The following ANKRD11 variants were observed in gnomAD, a reference collection of about 807,000 sequenced individuals.
ANKRD11 encodes the protein ankyrin repeat domain-containing protein 11.
Under a neutral mutation model 195.7 loss-of-function variants are expected in ANKRD11, and 17 were observed. That is an observed-to-expected ratio of 0.09 (90% CI 0.06 to 0.13). ANKRD11 has a LOEUF of 0.13. ANKRD11 is among the 10% of genes least tolerant of loss of function. The pLI is 1.00. For synonymous variants in ANKRD11, 1,953 were observed against 1,528.1 expected, an observed-to-expected ratio of 1.28 and a Z score of -6.49; for missense variants, 3,735 against 3,566.1, an observed-to-expected ratio of 1.05 and a Z score of -1.21.
intron 2 of ANKRD11, chr16:89,321,308 G>A (rs1187387004): frequency 6.6e-6 from 1 of 152,344 alleles, no homozygotes; most frequent in Non-Finnish European, 1.5e-5. Context: ...GGGGAATCCG[G>A]CGCTGCCTCT....
chr16:89,400,754 T>C (rs28588211), intron 2 of ANKRD11, among the ~76,000 whole-genome samples: 12,338 of 27,392 alleles, frequency 0.45, 2,879 homozygotes, highest in Middle Eastern at 0.6. Flanking sequence ...CGCTGGGGGA[T>C]GGTCATCTGC....
At chr16:89,454,683 G>T (rs2965950) in intron 1 of ANKRD11, among the ~76,000 whole-genome samples, 1 of 93,512 alleles carries the variant, frequency 1.1e-5, no homozygotes, top group Admixed American at 1.1e-4. Context: ...TCCCCTGGGT[G>T]CTTCCAGGGT....
At chr16:89,379,232 G>A (rs1054305885) in intron 2 of ANKRD11, among the ~76,000 whole-genome samples, 1 of 152,240 alleles carries the variant, frequency 6.6e-6, no homozygotes, top group Non-Finnish European at 1.5e-5. Flanking sequence ...CTGTATGTGC[G>A]TCACAGGCTC....
intron 1 of ANKRD11, among the ~76,000 whole-genome samples, chr16:89,427,521 G>C (rs1416247925): frequency 2.0e-5 from 3 of 152,234 alleles, no homozygotes; most frequent in Admixed American, 6.5e-5. Flanking sequence ...CTAGGGGCCG[G>C]GGTGGTGGCT....
intron 1 of ANKRD11, among the ~76,000 whole-genome samples, chr16:89,456,416 C>T (rs980252299): frequency 1.3e-5 from 2 of 151,672 alleles, no homozygotes; most frequent in African/African-American, 4.8e-5. Flanking sequence ...AGCGTGGTGG[C>T]ATGTGCCAGT....
At chr16:89,329,732 A>G (rs1251590168) in intron 2 of ANKRD11, among the ~76,000 whole-genome samples, 2 of 152,214 alleles carry the variant, frequency 1.3e-5, no homozygotes, top group Non-Finnish European at 2.9e-5. Flanking sequence ...CATTAAATAT[A>G]AAATGAGACT....
Position 89,283,222 on chromosome 16 carries a change from T to C in ANKRD11, c.3320A>G (p.Lys1107Arg), listed in dbSNP as rs747642726. Residue 1107 changes from lysine to arginine, a missense_variant, in exon 9 of 13, where the codon AAA becomes AGA. Physicochemically the swap from Lys to Arg is conservative, Grantham distance 26. Coordinates refer to ENST00000301030, the MANE Select transcript of ANKRD11 (RefSeq NM_013275.6). The surrounding 1 kb of genome is among the most constrained non-coding windows in gnomAD (Gnocchi z 4.3). ...EDFSEKKDDK[K>R]GKEKSWYIAD... is the part of the protein sequence containing the mutation. The stretch of plus-strand genomic sequence containing the variant: ...GATGTACCAGCTTTTCTCTTTGCCT[T>C]TCTTGTCATCTTTTTTTTCAGAGAA... 33 of 1,614,076 alleles carry C rather than the reference T, an allele frequency of 2.0e-5. No homozygotes were observed. The highest frequency in any genetic ancestry group is 2.6e-5 in the Non-Finnish European group (31 of 1,180,054).
At position 89,305,244 on chromosome 16, in the gene ANKRD11, G is replaced by A; in HGVS notation, c.188C>T (p.Thr63Ile). Residue 63 changes from threonine (T) to isoleucine (I), a missense_variant, in exon 4 of 13, where the codon ACC becomes ATC. Transcript: ENST00000301030. Reference protein sequence around the residue: ...ERASKRKLPFTAGANGEQKDS... With the variant: ...ERASKRKLPFIAGANGEQKDS... The stretch of plus-strand genomic sequence containing the variant: ...CTTCTGCTCCCCATTGGCGCCCGCG[G>A]TGAAGGGCAGCTTCCGCTTGCTGGC... 6.2e-7 allele frequency: 1 copy of A among 1,613,804 alleles called. No homozygotes were observed. The highest frequency in any genetic ancestry group is 8.5e-7 in the Non-Finnish European group (1 of 1,179,892).
At chr16:89,290,893 A>G (rs2035018011) in intron 5 of ANKRD11, 65 bp from the exon 6 acceptor site, 4 of 1,609,870 alleles carry the variant, frequency 2.5e-6, no homozygotes, top group Non-Finnish European at 3.4e-6. Flanking sequence ...CCAATCTTCA[A>G]GAGCCCAGGC....
intron 2 of ANKRD11, among the ~76,000 whole-genome samples, chr16:89,330,772 C>T (rs972650358): frequency 2.0e-5 from 3 of 151,458 alleles, no homozygotes; most frequent in African/African-American, 7.3e-5. Context: ...CAACCTCTAG[C>T]CCACACTCTG....
chr16:89,332,998 G>A (rs2038146123), intron 2 of ANKRD11, among the ~76,000 whole-genome samples: 1 of 152,202 alleles, frequency 6.6e-6, no homozygotes, highest in Admixed American at 6.5e-5. Flanking sequence ...CCCATCCTGT[G>A]CACCCGGGGA....
chr16:89,336,521 C>CA (rs1255916947), intron 2 of ANKRD11, among the ~76,000 whole-genome samples: 1 of 152,216 alleles, frequency 6.6e-6, no homozygotes, highest in Non-Finnish European at 1.5e-5. Flanking sequence ...AGATTTCTCA[C>CA]AATGTCCTCT....
chr16:89,364,342 C>T (rs984093348), intron 2 of ANKRD11, among the ~76,000 whole-genome samples: 10 of 152,206 alleles, frequency 6.6e-5, no homozygotes, highest in African/African-American at 2.2e-4. Context: ...ATTAAGAGAA[C>T]TCATAAATCA....
At position 89,280,667 on chromosome 16, in the gene ANKRD11, C is replaced by T. The variant is rs372148958; in HGVS notation, c.5875G>A (p.Ala1959Thr). ...EWAHPSEQAL[A>T]SSLIGGTSEN... Reference sequence around the variant, plus strand: ...GAGGTGCCCCCGATCAGGCTAGAGGCAAGCGCCTGCTCGGAGGGGTGGGCC... The same window carrying T: ...GAGGTGCCCCCGATCAGGCTAGAGGTAAGCGCCTGCTCGGAGGGGTGGGCC... The change falls in exon 9 of 13, where the codon GCC (alanine) becomes ACC (threonine). Residue 1959 changes from alanine (A) to threonine (T), a missense_variant. Ala to Thr is a moderately conservative substitution (Grantham distance 58). Coordinates refer to ENST00000301030, the MANE Select transcript of ANKRD11 (RefSeq NM_013275.6). The T allele has an allele frequency of 3.1e-6, 5 of 1,613,296 alleles. No homozygotes were observed. The highest frequency in any genetic ancestry group is 2.2e-5 in the East Asian group (1 of 44,878).
At chr16:89,351,639 G>A (rs1302116859) in intron 2 of ANKRD11, among the ~76,000 whole-genome samples, 1 of 152,186 alleles carries the variant, frequency 6.6e-6, no homozygotes, top group Non-Finnish European at 1.5e-5. Context: ...TGCAGACATA[G>A]GCCCTGTGAC....
At chr16:89,294,839 TGA>T (rs2035311745) in intron 4 of ANKRD11, among the ~76,000 whole-genome samples, 2 of 152,180 alleles carry the variant, frequency 1.3e-5, no homozygotes, top group African/African-American at 4.8e-5. Context: ...AACGCTCCTC[TGA>T]GAGGAGAGGC....
intron 3 of ANKRD11, among the ~76,000 whole-genome samples, chr16:89,315,558 G>A (rs1191982702): frequency 2.0e-5 from 3 of 152,200 alleles, no homozygotes; most frequent in Non-Finnish European, 4.4e-5. Flanking sequence ...CTGTGAGCTC[G>A]GCGGTGTGGT....
intron 10 of ANKRD11, 55 bp from the exon 11 acceptor site, chr16:89,275,012 C>T: frequency 6.2e-7 from 1 of 1,612,076 alleles, no homozygotes; most frequent in Non-Finnish European, 8.5e-7. Context: ...CCAGGCCCCA[C>T]TGTCAACACG....
intron 2 of ANKRD11, among the ~76,000 whole-genome samples, chr16:89,337,426 A>ATTTTTTTTTTTTT (rs763560924): frequency 4.6e-5 from 2 of 43,770 alleles, no homozygotes; most frequent in South Asian, 1.1e-3. Flanking sequence ...GGTCTAAGCA[A>ATTTTTTTTTTTTT]TTCTTTTTTT....
Sources: gnomAD v4.1 joint callset for allele counts (sites outside exome capture counted in the v4.1 genomes callset) on GRCh38, gnomAD v4.1.1 for gene constraint, Gnocchi (gnomAD v3.1) non-coding constraint, MANE v1.5 for transcripts, NCBI Gene and HGNC (gene_info 2026-07-23, HGNC 2026-07-21) for gene names.